The following KCNK13 variants were observed in gnomAD, a reference collection of about 807,000 sequenced individuals.
KCNK13 encodes potassium two pore domain channel subfamily K member 13.
KCNK13 carries 12 observed loss-of-function variants against 23.4 expected under a neutral mutation model. The ratio of observed to expected loss-of-function variants is 0.51; its 90% CI spans 0.33 to 0.83. The LOEUF is 0.83. KCNK13 is among the 40% of genes least tolerant of loss of function. KCNK13 has a pLI of 0.02. For missense variants in KCNK13, 463 were observed against 556.3 expected, an observed-to-expected ratio of 0.83 and a Z score of 1.69; for synonymous variants, 231 against 229.5, an observed-to-expected ratio of 1.01 and a Z score of -0.06.
In KCNK13 at chr14:90,091,590, G is replaced by C. The variant is rs192352703; in HGVS notation, c.334+29051G>C. Among the ~76,000 whole-genome samples the C allele has an allele frequency of 2.8e-4, 42 of 152,226 alleles. 1 individual carries two copies. The East Asian group carries it at 3.9e-3, about 14-fold the overall frequency. Reference sequence around the variant, plus strand: ...CCAAAAGCCTGTTTCTGGGGGAAAGGCTGCTCTTAAACCTGGAATGCAGAA... The same window carrying C: ...CCAAAAGCCTGTTTCTGGGGGAAAGCCTGCTCTTAAACCTGGAATGCAGAA... On this transcript the variant is annotated intron_variant, in intron 1 of 1. Transcript: ENST00000282146.
chr14:90,133,744 CT>C (rs1231419325), intron 1 of KCNK13, among the ~76,000 whole-genome samples: 1 of 152,124 alleles, frequency 6.6e-6, no homozygotes, highest in Non-Finnish European at 1.5e-5. Context: ...GAAACTCTTC[CT>C]GCTCCTTTGA....
chr14:90,141,800 G>GGGT (rs1034225381), intron 1 of KCNK13, among the ~76,000 whole-genome samples: 4 of 148,764 alleles, frequency 2.7e-5, no homozygotes, highest in East Asian at 2.0e-4. Context: ...TTTTTGGGGG[G>GGGT]GGGGACGGAG....
In KCNK13 at chr14:90,176,893, G is replaced by A. The variant is rs138107567; in HGVS notation, c.335-7218G>A. ...AAATTAGCTCGGCATGGTGGCATGC[G>A]CCTGTAGTCCCAGCTACTCGGGAGG... is the stretch of plus-strand genomic sequence containing the variant. On this transcript the variant is annotated intron_variant, in intron 1 of 1. Transcript: ENST00000282146. Among the ~76,000 whole-genome samples the A allele has an allele frequency of 5.6e-3, 856 of 152,232 alleles. 7 individuals are homozygous for A. The highest frequency in any genetic ancestry group is 0.02 in the African/African-American group (820 of 41,540).
At chr14:90,070,099 C>CA (rs1889056110) in intron 1 of KCNK13, among the ~76,000 whole-genome samples, 1 of 152,188 alleles carries the variant, frequency 6.6e-6, no homozygotes, top group Non-Finnish European at 1.5e-5. Flanking sequence ...ATCTAAGCTG[C>CA]ATCATTATTT....
At chr14:90,103,223 G>A (rs1234617986) in intron 1 of KCNK13, among the ~76,000 whole-genome samples, 2 of 152,112 alleles carry the variant, frequency 1.3e-5, no homozygotes, top group African/African-American at 4.8e-5. Context: ...CTTTGTTATT[G>A]TGACTAGCAA....
At chr14:90,088,128 G>A (rs1412125480) in intron 1 of KCNK13, among the ~76,000 whole-genome samples, 1 of 151,920 alleles carries the variant, frequency 6.6e-6, no homozygotes, top group African/African-American at 2.4e-5. Flanking sequence ...TCAGCCTCCC[G>A]GGTAACTGGG....
chr14:90,066,463 C>T (rs1889011083), intron 1 of KCNK13, among the ~76,000 whole-genome samples: 1 of 151,732 alleles, frequency 6.6e-6, no homozygotes, highest in African/African-American at 2.4e-5. Flanking sequence ...GAGAGGGCTA[C>T]ACCATGTTGA....
chr14:90,132,936 G>A (rs1409349027), intron 1 of KCNK13, among the ~76,000 whole-genome samples: 2 of 152,026 alleles, frequency 1.3e-5, no homozygotes, highest in African/African-American at 4.8e-5. Flanking sequence ...ACTGGTATTT[G>A]TACTGATACT....
chr14:90,180,868 T>C (rs985880756), intron 1 of KCNK13, among the ~76,000 whole-genome samples: 7 of 152,048 alleles, frequency 4.6e-5, no homozygotes, highest in Non-Finnish European at 8.8e-5. Flanking sequence ...GATTTTTTCT[T>C]TTTTTTTCAG....
chr14:90,062,579 G>C lies in KCNK13; in HGVS notation c.334+40G>C. On this transcript the variant is annotated intron_variant, in intron 1 of 1. Coordinates refer to ENST00000282146, the MANE Select transcript of KCNK13 (RefSeq NM_022054.4). The surrounding 1 kb of genome is among the most constrained non-coding windows in gnomAD (Gnocchi z 4.5). Reference sequence around the variant, plus strand: ...CGGACTCGCTGACAACCTCCGGGCGGCCTCCACTTCCTCCGGGGGGCAGGA... The same window carrying C: ...CGGACTCGCTGACAACCTCCGGGCGCCCTCCACTTCCTCCGGGGGGCAGGA... 7.1e-7 allele frequency: 1 copy of C among 1,403,624 alleles called. No individual in the cohort carries two copies. The highest frequency in any genetic ancestry group is 9.4e-7 in the Non-Finnish European group (1 of 1,064,474). The allele number at this position is 1,403,624 out of a possible 1,614,324, so 86.9% of individuals were successfully genotyped here.
intron 1 of KCNK13, among the ~76,000 whole-genome samples, chr14:90,177,050 A>C (rs1281453180): frequency 6.6e-6 from 1 of 151,974 alleles, no homozygotes; most frequent in African/African-American, 2.4e-5. Context: ...ACAAGAATTA[A>C]CCAGGTGTGG....
chr14:90,123,916 T>A (rs1889767519), intron 1 of KCNK13, among the ~76,000 whole-genome samples: 1 of 152,172 alleles, frequency 6.6e-6, no homozygotes, highest in African/African-American at 2.4e-5. Context: ...GGGCGGTTTT[T>A]AACAGATAGC....
chr14:90,145,252 G>T (rs906626439), intron 1 of KCNK13, among the ~76,000 whole-genome samples: 3 of 152,000 alleles, frequency 2.0e-5, no homozygotes, highest in Non-Finnish European at 2.9e-5. Flanking sequence ...AATTAGCCAG[G>T]TGTGGTGGTG....
chr14:90,131,766 C>T (rs1889877423), intron 1 of KCNK13, among the ~76,000 whole-genome samples: 1 of 152,192 alleles, frequency 6.6e-6, no homozygotes, highest in Admixed American at 6.5e-5. Context: ...CAACAGCAAC[C>T]ACAAAAAGGA....
intron 1 of KCNK13, among the ~76,000 whole-genome samples, chr14:90,130,578 C>T (rs962329177): frequency 8.6e-5 from 13 of 151,634 alleles, no homozygotes; most frequent in African/African-American, 2.2e-4. Context: ...TTTGGGAGGC[C>T]GAGGTGGGCA....
At chr14:90,064,705 G>C (rs751074315) in intron 1 of KCNK13, among the ~76,000 whole-genome samples, 4 of 152,202 alleles carry the variant, frequency 2.6e-5, no homozygotes, top group Non-Finnish European at 5.9e-5. Context: ...GTTCTTGTGA[G>C]GGACAATGAG....
Position 90,144,615 on chromosome 14 carries a change from G to A in KCNK13, c.335-39496G>A, listed in dbSNP as rs141372728. ...AGGTTCAAGCCTCCCAAGTAGCTGGGATTACAGGAGCCCACCACCATGTCC... is the reference window on the plus strand; with the variant it reads ...AGGTTCAAGCCTCCCAAGTAGCTGGAATTACAGGAGCCCACCACCATGTCC... On this transcript the variant is annotated intron_variant, in intron 1 of 1. Coordinates refer to ENST00000282146, the MANE Select transcript of KCNK13 (RefSeq NM_022054.4). Among the ~76,000 whole-genome samples, 726 of 150,646 alleles carry A rather than the reference G, an allele frequency of 4.8e-3. 3 individuals carry two copies. The highest frequency in any genetic ancestry group is 0.017 in the African/African-American group (682 of 41,076).
At chr14:90,101,809 A>AAAAG in intron 1 of KCNK13, among the ~76,000 whole-genome samples, 1 of 146,776 alleles carries the variant, frequency 6.8e-6, no homozygotes, top group Non-Finnish European at 1.5e-5. Flanking sequence ...AAAAAAAAAA[A>AAAAG]AAACCTCACA....
At chr14:90,117,305 T>C (rs1889687993) in intron 1 of KCNK13, among the ~76,000 whole-genome samples, 1 of 152,006 alleles carries the variant, frequency 6.6e-6, no homozygotes, top group African/African-American at 2.4e-5. Context: ...AACTTAGGAA[T>C]TGGGCTGGGT....
Sources: gnomAD v4.1 joint callset for allele counts (sites outside exome capture counted in the v4.1 genomes callset) on GRCh38, gnomAD v4.1.1 for gene constraint, Gnocchi (gnomAD v3.1) non-coding constraint, MANE v1.5 for transcripts, NCBI Gene and HGNC (gene_info 2026-07-23, HGNC 2026-07-21) for gene names.